Variants in NSMCE2 observed in about 807,000 individuals in gnomAD.
NSMCE2 encodes the protein NSE2 SUMO ligase component of SMC5/6 complex, also known as E3 SUMO-protein ligase NSE2.
In NSMCE2, 24 loss-of-function variants were observed where a neutral mutation model predicts 23.8. That is an observed-to-expected ratio of 1.01 (90% CI 0.73 to 1.42). The LOEUF (loss-of-function observed/expected upper bound fraction) is 1.42. Ranked by LOEUF, NSMCE2 falls within the 40% of genes most tolerant of loss-of-function variation. The pLI, the probability that NSMCE2 is intolerant of heterozygous loss-of-function variation, is 0.00. For missense variants in NSMCE2, 284 were observed against 296.5 expected (o/e 0.96, Z 0.31); for synonymous variants, 92 against 94.1 (o/e 0.98, Z 0.13).
intron 5 of NSMCE2, among the ~76,000 whole-genome samples, chr8:125,293,894 A>G (rs1488898081): frequency 6.6e-6 from 1 of 152,270 alleles, no homozygotes; most frequent in Non-Finnish European, 1.5e-5. Context: ...CTAGGCAGCC[A>G]TCACCACAAT....
intron 3 of NSMCE2, among the ~76,000 whole-genome samples, chr8:125,106,514 C>A (rs533185577): frequency 6.6e-6 from 1 of 152,084 alleles, no homozygotes; most frequent in South Asian, 2.1e-4. Flanking sequence ...CCCATCTCTA[C>A]TAAAAATACA....
intron 4 of NSMCE2, among the ~76,000 whole-genome samples, chr8:125,177,061 T>A (rs1822534775): frequency 6.6e-6 from 1 of 152,268 alleles, no homozygotes; most frequent in African/African-American, 2.4e-5. Context: ...ATTTGTTACT[T>A]GCTTTCTCTT....
chr8:125,347,609 C>T (rs1586803630), intron 5 of NSMCE2, among the ~76,000 whole-genome samples: 2 of 152,324 alleles, frequency 1.3e-5, no homozygotes, highest in East Asian at 1.9e-4. Flanking sequence ...ACACACAGTG[C>T]TTGTCCTCAA....
chr8:125,338,283 G>GAA (rs1187058503), intron 5 of NSMCE2, among the ~76,000 whole-genome samples: 1 of 77,248 alleles, frequency 1.3e-5, no homozygotes, highest in African/African-American at 3.4e-5. Context: ...GATGTTGGGT[G>GAA]GAAAAAAAAA....
chr8:125,241,752 A>G (rs1825772750), intron 5 of NSMCE2, among the ~76,000 whole-genome samples: 1 of 152,192 alleles, frequency 6.6e-6, no homozygotes, highest in Non-Finnish European at 1.5e-5. Flanking sequence ...AAAAGAAGTG[A>G]ATGAGTTGAA....
At chr8:125,278,627 G>A (rs927200844) in intron 5 of NSMCE2, among the ~76,000 whole-genome samples, 3 of 152,326 alleles carry the variant, frequency 2.0e-5, no homozygotes, top group Admixed American at 2.0e-4. Context: ...AGCAATGAGT[G>A]TTGAATGTTT....
chr8:125,161,962 G>C (rs1190370623), intron 4 of NSMCE2, among the ~76,000 whole-genome samples: 1 of 152,054 alleles, frequency 6.6e-6, no homozygotes, highest in Non-Finnish European at 1.5e-5. Context: ...GGCTATTTGT[G>C]GTTCTTGGAG....
At chr8:125,355,605 C>T (rs1252323097) in intron 5 of NSMCE2, among the ~76,000 whole-genome samples, 2 of 145,606 alleles carry the variant, frequency 1.4e-5, no homozygotes, top group African/African-American at 5.1e-5. Context: ...GAGGCTGAGG[C>T]AGGAGAATCA....
At chr8:125,345,731 TA>T (rs1830408642) in intron 5 of NSMCE2, among the ~76,000 whole-genome samples, 1 of 152,184 alleles carries the variant, frequency 6.6e-6, no homozygotes, top group African/African-American at 2.4e-5. Flanking sequence ...AAGCACAAAC[TA>T]ATGTGCTAAA....
At chr8:125,195,515 G>A (rs1337347765) in intron 5 of NSMCE2, among the ~76,000 whole-genome samples, 2 of 152,102 alleles carry the variant, frequency 1.3e-5, no homozygotes, top group African/African-American at 4.8e-5. Context: ...ATTGTACTTG[G>A]TGTCCTGGTT....
chr8:125,343,588 C>T (rs1237795411), intron 5 of NSMCE2, among the ~76,000 whole-genome samples: 1 of 151,642 alleles, frequency 6.6e-6, no homozygotes, highest in Non-Finnish European at 1.5e-5. Flanking sequence ...ACAGCAAGCC[C>T]AGATTGTTCC....
rs892388827 is a variant in NSMCE2 at position 125,111,399 on chromosome 8, A to G, written c.157+8912A>G. On this transcript the variant is annotated intron_variant, in intron 3 of 7. Coordinates refer to ENST00000287437, the MANE Select transcript of NSMCE2 (RefSeq NM_173685.4). ...TCTTAAATCTAGAAATTTGGTAAGT[A>G]TGGGTGAAAAAAAACTCCCAGAAAA... Among the ~76,000 whole-genome samples the G allele has an allele frequency of 2.6e-5, 4 of 152,314 alleles. No homozygotes were observed. The East Asian group carries it at 7.7e-4, about 29-fold the overall frequency.
chr8:125,256,922 C>CAAAAAAAAAAAAAAAAAAAAAAAAAAA (rs60308659), intron 5 of NSMCE2, among the ~76,000 whole-genome samples: 1 of 26,056 alleles, frequency 3.8e-5, no homozygotes, highest in African/African-American at 1.1e-4. Flanking sequence ...GACTCTGTGT[C>CAAAAAAAAAAAAAAAAAAAAAAAAAAA]AAAAAAAAAA....
chr8:125,194,274 T>G (rs1823499800), intron 5 of NSMCE2, among the ~76,000 whole-genome samples: 1 of 152,166 alleles, frequency 6.6e-6, no homozygotes, highest in South Asian at 2.1e-4. Flanking sequence ...TCCCAGCCCC[T>G]GGCAACCACT....
At chr8:125,169,856 C>CTAT (rs765670289) in intron 4 of NSMCE2, among the ~76,000 whole-genome samples, 82 of 151,994 alleles carry the variant, frequency 5.4e-4, no homozygotes, top group Non-Finnish European at 1.1e-3. Context: ...TCATTTTGTA[C>CTAT]TATTCTTTTA....
At chr8:125,251,309 C>T (rs1586671796) in intron 5 of NSMCE2, among the ~76,000 whole-genome samples, 4 of 152,076 alleles carry the variant, frequency 2.6e-5, no homozygotes, top group African/African-American at 9.6e-5. Context: ...AGAAAATGCC[C>T]ACAAATGAAC....
At chr8:125,172,765 TG>T (rs1376057337) in intron 4 of NSMCE2, among the ~76,000 whole-genome samples, 1 of 152,266 alleles carries the variant, frequency 6.6e-6, no homozygotes, top group African/African-American at 2.4e-5. Flanking sequence ...TCTTAGCTTT[TG>T]CTATTGGTTC....
At chr8:125,177,010 C>T (rs1269157833) in intron 4 of NSMCE2, among the ~76,000 whole-genome samples, 1 of 152,230 alleles carries the variant, frequency 6.6e-6, no homozygotes, top group Non-Finnish European at 1.5e-5. Context: ...GCAGACTTCT[C>T]TATTTTTTGC....
At chr8:125,188,740 A>G (rs1823218014) in intron 5 of NSMCE2, among the ~76,000 whole-genome samples, 1 of 152,206 alleles carries the variant, frequency 6.6e-6, no homozygotes, top group South Asian at 2.1e-4. Context: ...TGCTTTCAGG[A>G]TACTGCGAAC....
Sources: gnomAD v4.1 joint callset for allele counts (sites outside exome capture counted in the v4.1 genomes callset) on GRCh38, gnomAD v4.1.1 for gene constraint, MANE v1.5 for transcripts, NCBI Gene and HGNC (gene_info 2026-07-23, HGNC 2026-07-21) for gene names.